ANKRD30BL: variants seen among roughly 807,000 people sequenced by gnomAD.
ANKRD30BL encodes ankyrin repeat domain 30B like, also known as putative ankyrin repeat domain-containing protein 30B-like.
A neutral mutation model predicts 18.4 loss-of-function variants in ANKRD30BL; 20 were observed. The ratio of observed to expected loss-of-function variants is 1.09; its 90% confidence interval spans 0.77 to 1.58. The LOEUF is 1.58. Ranked by LOEUF, ANKRD30BL falls within the 40% of genes most tolerant of loss-of-function variation. The pLI is 0.00. For missense variants in ANKRD30BL, 224 were observed against 268.6 expected (o/e 0.83, Z 1.16); for synonymous variants, 72 against 100.9 (o/e 0.71, Z 1.72).
chr2:132,232,403 T>C (rs1357319176), intron 1 of ANKRD30BL, among the ~76,000 whole-genome samples: 2 of 152,130 alleles, frequency 1.3e-5, no homozygotes, highest in East Asian at 1.9e-4. Context: ...TGGGAGGACA[T>C]TCAAGCCAAA....
intron 1 of ANKRD30BL, among the ~76,000 whole-genome samples, chr2:132,183,668 T>G (rs1688513289): frequency 6.6e-6 from 1 of 152,112 alleles, no homozygotes; most frequent in Non-Finnish European, 1.5e-5. Flanking sequence ...GTGGTGGCAA[T>G]ATATGCATGT....
intron 1 of ANKRD30BL, among the ~76,000 whole-genome samples, chr2:132,241,008 C>T (rs1233488031): frequency 2.6e-5 from 4 of 151,038 alleles, no homozygotes; most frequent in Non-Finnish European, 3.0e-5. Flanking sequence ...AATATCTTCA[C>T]ATAAAAACTA....
At chr2:132,203,823 A>G (rs9287387) in intron 1 of ANKRD30BL, among the ~76,000 whole-genome samples, 3 of 125,240 alleles carry the variant, frequency 2.4e-5, no homozygotes, top group South Asian at 5.2e-4. Flanking sequence ...GTAGATTAAT[A>G]CCAAATTCTC....
upstream of ANKRD30BL, chr2:132,258,016 G>A (rs558226553): frequency 6.5e-6 from 1 of 152,958 alleles, no homozygotes; most frequent in East Asian, 1.9e-4. Flanking sequence ...GCAGCCGCCA[G>A]AGGGGAGCAC....
chr2:132,227,474 G>C (rs1418637377), intron 1 of ANKRD30BL, among the ~76,000 whole-genome samples: 1 of 149,586 alleles, frequency 6.7e-6, no homozygotes, highest in Admixed American at 6.7e-5. Flanking sequence ...GAGTCGTTTT[G>C]AAACACTCCT....
At chr2:132,216,138 T>G (rs1679492721) in intron 1 of ANKRD30BL, among the ~76,000 whole-genome samples, 1 of 152,016 alleles carries the variant, frequency 6.6e-6, no homozygotes, top group Non-Finnish European at 1.5e-5. Context: ...AATCTGCAAG[T>G]GGATATTTGG....
intron 1 of ANKRD30BL, among the ~76,000 whole-genome samples, chr2:132,256,340 A>T (rs1178696623): frequency 1.3e-5 from 2 of 150,756 alleles, no homozygotes; most frequent in East Asian, 4.0e-4. Flanking sequence ...GGCGAACCGG[A>T]CATCCCATCC....
At chr2:132,232,020 C>T (rs1277521800) in intron 1 of ANKRD30BL, among the ~76,000 whole-genome samples, 2 of 152,204 alleles carry the variant, frequency 1.3e-5, no homozygotes, top group Non-Finnish European at 2.9e-5. Context: ...CAAGTGGGTC[C>T]CTGACCCCTG....
At chr2:132,234,440 C>T (rs1347953938) in intron 1 of ANKRD30BL, among the ~76,000 whole-genome samples, 1 of 151,592 alleles carries the variant, frequency 6.6e-6, no homozygotes, top group African/African-American at 2.4e-5. Flanking sequence ...AGACAGCTAG[C>T]AAGACTAATA....
At chr2:132,180,356 A>G (rs1026232969) in intron 1 of ANKRD30BL, among the ~76,000 whole-genome samples, 28 of 152,042 alleles carry the variant, frequency 1.8e-4, no homozygotes, top group Non-Finnish European at 2.9e-4. Context: ...GGCTGCATAT[A>G]CTCTACCATA....
chr2:132,241,908 A>C (rs1194839938), intron 1 of ANKRD30BL, among the ~76,000 whole-genome samples: 1 of 151,214 alleles, frequency 6.6e-6, no homozygotes, highest in Non-Finnish European at 1.5e-5. Context: ...TGATGATTGC[A>C]TTCAACTCAC....
At chr2:132,242,792 T>C (rs997554493) in intron 1 of ANKRD30BL, among the ~76,000 whole-genome samples, 76 of 151,870 alleles carry the variant, frequency 5.0e-4, no homozygotes, top group African/African-American at 1.7e-3. Context: ...AACCTTTCTT[T>C]TGATACACAA....
intron 1 of ANKRD30BL, among the ~76,000 whole-genome samples, chr2:132,217,138 TG>T (rs147190388): frequency 6.6e-6 from 1 of 152,178 alleles, no homozygotes; most frequent in Non-Finnish European, 1.5e-5. Context: ...TTCTTTGTGA[TG>T]TCAGCATTCC....
rs201473084 is a variant in ANKRD30BL at position 132,176,604 on chromosome 2, C to A, written n.442-19458G>T. 4.8e-4 allele frequency among the ~76,000 whole-genome samples: 73 copies of A among 151,386 alleles called. 1 individual carries two copies. In the East Asian group the frequency reaches 0.012, roughly 24 times the overall value. ...CCAGCCTGGGCGATAGAGCAAGACT[C>A]TGTATTCAAAAAAAGAAAAAAGACA... On this transcript the variant is annotated intron_variant and non_coding_transcript_variant, in intron 1 of 4. Transcript: ENST00000470729.
At chr2:132,245,275 C>T (rs77152675) in intron 1 of ANKRD30BL, among the ~76,000 whole-genome samples, 1 of 152,228 alleles carries the variant, frequency 6.6e-6, no homozygotes, top group Non-Finnish European at 1.5e-5. Flanking sequence ...AATATCTTCA[C>T]ATAAAAACTA....
intron 1 of ANKRD30BL, among the ~76,000 whole-genome samples, chr2:132,169,253 G>T (rs1688236863): frequency 1.3e-5 from 2 of 152,188 alleles, no homozygotes; most frequent in African/African-American, 2.4e-5. Context: ...TCTTTGGTGT[G>T]CCCCATATTT....
At chr2:132,218,128 C>G (rs1679559047) in intron 1 of ANKRD30BL, among the ~76,000 whole-genome samples, 1 of 152,100 alleles carries the variant, frequency 6.6e-6, no homozygotes, top group South Asian at 2.1e-4. Context: ...TTCACATAAA[C>G]TCTAGACAGA....
At chr2:132,246,122 A>C (rs899621959) in intron 1 of ANKRD30BL, among the ~76,000 whole-genome samples, 6 of 151,774 alleles carry the variant, frequency 4.0e-5, no homozygotes, top group African/African-American at 1.4e-4. Context: ...GGAAACGGGA[A>C]TATCTTCACA....
chr2:132,243,438 ATG>A (rs2104798359), intron 1 of ANKRD30BL, among the ~76,000 whole-genome samples: 1 of 151,760 alleles, frequency 6.6e-6, no homozygotes, highest in South Asian at 2.1e-4. Context: ...TTACATTGTG[ATG>A]TGTGTACTCA....
Sources: allele counts gnomAD v4.1 joint callset (sites outside exome capture counted in the v4.1 genomes callset), GRCh38; gene constraint gnomAD v4.1.1; transcripts MANE v1.5; gene names NCBI Gene and HGNC (gene_info 2026-07-23, HGNC 2026-07-21).